Variants in RBFOX1 observed in about 807,000 individuals in gnomAD.
The protein encoded by RBFOX1 is RNA binding protein fox-1 homolog 1.
In RBFOX1, 8 loss-of-function variants were observed where a neutral mutation model predicts 57.7. The observed-to-expected ratio is 0.14, with a 90% confidence interval of 0.08 to 0.25. The LOEUF (loss-of-function observed/expected upper bound fraction) is 0.25. RBFOX1 is among the 10% of genes least tolerant of loss of function. The pLI is 1.00. For missense variants in RBFOX1, 611 were observed against 548.5 expected (o/e 1.11, Z -1.14); for synonymous variants, 326 against 222.4 (o/e 1.47, Z -4.15).
At chr16:6,418,882 T>C (rs2093698926) in intron 2 of RBFOX1, among the ~76,000 whole-genome samples, 1 of 152,174 alleles carries the variant, frequency 6.6e-6, no homozygotes, top group East Asian at 1.9e-4. Context: ...CCCTGAGTAT[T>C]ACCTGAAAGT....
At chr16:6,821,157 G>A (rs1179067659) in intron 3 of RBFOX1, among the ~76,000 whole-genome samples, 3 of 152,162 alleles carry the variant, frequency 2.0e-5, no homozygotes, top group African/African-American at 7.2e-5. Context: ...ATCTGCCCAT[G>A]TTCATGATCT....
intron 1 of RBFOX1, among the ~76,000 whole-genome samples, chr16:6,315,250 G>C (rs2080927847): frequency 1.3e-5 from 2 of 152,240 alleles, no homozygotes; most frequent in Admixed American, 6.5e-5. Flanking sequence ...TGAAGCCAAG[G>C]ATGACTGGAA....
At chr16:7,705,043 CAAAAGAAAAAAAAAAAA>C (rs2081991788) in intron 14 of RBFOX1, among the ~76,000 whole-genome samples, 1 of 35,210 alleles carries the variant, frequency 2.8e-5, no homozygotes, top group African/African-American at 9.7e-5. Context: ...GACTCTGTCT[CAAAAGAAAAAAAAAAAA>C]AAAAGGCAGA....
chr16:5,377,938 AGCCT>A (rs2066029301), intron 1 of RBFOX1, among the ~76,000 whole-genome samples: 1 of 151,638 alleles, frequency 6.6e-6, no homozygotes, highest in African/African-American at 2.4e-5. Context: ...CACTAATGGG[AGCCT>A]ATTCAGGTAA....
At chr16:5,706,256 G>A (rs1156748644) in intron 3 of RBFOX1, among the ~76,000 whole-genome samples, 1 of 152,176 alleles carries the variant, frequency 6.6e-6, no homozygotes, top group African/African-American at 2.4e-5. Context: ...CATTCCGAAA[G>A]TTACGAAAAT....
At chr16:6,044,751 C>T (rs745438361) in intron 1 of RBFOX1, among the ~76,000 whole-genome samples, 29 of 152,172 alleles carry the variant, frequency 1.9e-4, no homozygotes, top group Non-Finnish European at 1.8e-4. Flanking sequence ...ATAACACATA[C>T]CAAGATCCTA....
intron 2 of RBFOX1, among the ~76,000 whole-genome samples, chr16:6,651,025 C>T (rs2098588072): frequency 6.6e-6 from 1 of 152,212 alleles, no homozygotes; most frequent in Non-Finnish European, 1.5e-5. Context: ...GTCTCAGCCT[C>T]CTGAGTAGCT....
chr16:6,721,868 A>G (rs913378279), intron 3 of RBFOX1: 3 of 139,468 alleles, frequency 2.2e-5, no homozygotes, highest in East Asian at 2.4e-4. Flanking sequence ...AGCACCCCCC[A>G]CCAGCCCACA....
At chr16:5,408,005 G>T (rs1164884182) in intron 1 of RBFOX1, among the ~76,000 whole-genome samples, 1 of 152,254 alleles carries the variant, frequency 6.6e-6, no homozygotes, top group Non-Finnish European at 1.5e-5. Flanking sequence ...GCAGGGCTTT[G>T]TGTCCTCCAC....
chr16:7,306,008 A>C (rs1017963186), intron 4 of RBFOX1, among the ~76,000 whole-genome samples: 2 of 152,214 alleles, frequency 1.3e-5, no homozygotes, highest in African/African-American at 4.8e-5. Context: ...TATAGATGCT[A>C]AGCCTCAGTT....
chr16:6,790,111 G>C (rs1354049328), intron 3 of RBFOX1, among the ~76,000 whole-genome samples: 1 of 148,538 alleles, frequency 6.7e-6, no homozygotes, highest in Non-Finnish European at 1.5e-5. Flanking sequence ...TTCATGCTGT[G>C]AATTTTCTTC....
chr16:5,559,886 C>T (rs922707002), intron 2 of RBFOX1, among the ~76,000 whole-genome samples: 3 of 139,496 alleles, frequency 2.2e-5, no homozygotes, highest in South Asian at 4.9e-4. Flanking sequence ...GTGCTGTACT[C>T]CAGCCATCCT....
chr16:6,015,957 G>A (rs1177426495), upstream of RBFOX1, among the ~76,000 whole-genome samples: 2 of 152,206 alleles, frequency 1.3e-5, no homozygotes, highest in Admixed American at 1.3e-4. Context: ...CAAGAAGGAT[G>A]CATGTTTGAT....
At chr16:7,046,872 C>G (rs1000396154) in intron 3 of RBFOX1, among the ~76,000 whole-genome samples, 2 of 152,016 alleles carry the variant, frequency 1.3e-5, no homozygotes, top group Non-Finnish European at 2.9e-5. Context: ...TTTCAAAGTT[C>G]TGGAATTACA....
At chr16:6,085,258 A>G (rs2096066948) in intron 1 of RBFOX1, among the ~76,000 whole-genome samples, 1 of 152,072 alleles carries the variant, frequency 6.6e-6, no homozygotes, top group African/African-American at 2.4e-5. Flanking sequence ...GCTTACACCC[A>G]GCTTTCTTTG....
chr16:6,888,505 C>G (rs980364735), intron 3 of RBFOX1, among the ~76,000 whole-genome samples: 8 of 152,136 alleles, frequency 5.3e-5, no homozygotes, highest in Admixed American at 4.6e-4. Context: ...CTTGCAATTG[C>G]ACTCTCTGTC....
At chr16:6,687,135 C>T (rs1220514115) in intron 3 of RBFOX1, among the ~76,000 whole-genome samples, 1 of 152,124 alleles carries the variant, frequency 6.6e-6, no homozygotes, top group Non-Finnish European at 1.5e-5. Context: ...TTACTTGGGG[C>T]ATCCATAGAA....
intron 2 of RBFOX1, among the ~76,000 whole-genome samples, chr16:6,367,250 G>GT (rs1567132620): frequency 1.8e-4 from 26 of 146,252 alleles, no homozygotes; most frequent in African/African-American, 4.5e-4. Context: ...GATTTTCTTT[G>GT]TTTGTTTGTT....
chr16:6,995,737 G>A (rs778326960), intron 3 of RBFOX1, among the ~76,000 whole-genome samples: 2 of 151,942 alleles, frequency 1.3e-5, no homozygotes, highest in Non-Finnish European at 2.9e-5. Context: ...CTGCAGCCTG[G>A]GCCATAGAGT....
Sources: gnomAD v4.1 joint callset for allele counts (sites outside exome capture counted in the v4.1 genomes callset) on GRCh38, gnomAD v4.1.1 for gene constraint, MANE v1.5 for transcripts, NCBI Gene and HGNC (gene_info 2026-07-23, HGNC 2026-07-21) for gene names.